The following LAMA2 variants were observed in gnomAD, a reference collection of about 807,000 sequenced individuals.
The protein encoded by LAMA2 is laminin subunit alpha 2, also known as laminin subunit alpha-2.
In LAMA2, 269 loss-of-function variants were observed where a neutral mutation model predicts 364.8. That is an observed-to-expected ratio of 0.74 (90% CI 0.67 to 0.82). The LOEUF (loss-of-function observed/expected upper bound fraction) is 0.82, where lower values mean the gene tolerates loss of function less well. LAMA2 is among the 40% of genes least tolerant of loss of function. The pLI is 0.00. For missense variants in LAMA2, 3,807 were observed against 3,873.2 expected (o/e 0.98, Z 0.45); for synonymous variants, 1,379 against 1,370.6 (o/e 1.01, Z -0.14).
At chr6:129,099,116 T>G (rs1014804897) in intron 4 of LAMA2, among the ~76,000 whole-genome samples, 1 of 67,136 alleles carries the variant, frequency 1.5e-5, no homozygotes, top group Admixed American at 2.0e-4. Context: ...GCGGGGAGGT[T>G]TTTTTTTTGT....
At chr6:128,946,498 T>A (rs1340271954) in intron 1 of LAMA2, among the ~76,000 whole-genome samples, 3 of 152,168 alleles carry the variant, frequency 2.0e-5, no homozygotes, top group Non-Finnish European at 4.4e-5. Flanking sequence ...AATATCAAAA[T>A]TCAAAATTTG....
chr6:129,304,270 G>C, intron 22 of LAMA2, among the ~76,000 whole-genome samples: 1 of 151,804 alleles, frequency 6.6e-6, no homozygotes, highest in African/African-American at 2.4e-5. Context: ...TTTGTTTTTT[G>C]TTTTTTGTTT....
chr6:129,004,493 T>G (rs1784318105), intron 1 of LAMA2, among the ~76,000 whole-genome samples: 1 of 151,706 alleles, frequency 6.6e-6, no homozygotes, highest in South Asian at 2.1e-4. Context: ...CTTACTGACT[T>G]GCACCTATAT....
At chr6:129,168,599 G>A (rs1395554996) in intron 9 of LAMA2, among the ~76,000 whole-genome samples, 1 of 148,004 alleles carries the variant, frequency 6.8e-6, no homozygotes, top group Non-Finnish European at 1.5e-5. Context: ...CAGGTAGTGT[G>A]ATGCCTCCAG....
At chr6:129,466,001 TG>T (rs1257570489) in intron 51 of LAMA2, among the ~76,000 whole-genome samples, 3 of 151,970 alleles carry the variant, frequency 2.0e-5, no homozygotes, top group African/African-American at 7.2e-5. Context: ...TATCTGCAAA[TG>T]AGACTTTGTT....
intron 12 of LAMA2, among the ~76,000 whole-genome samples, chr6:129,224,711 T>C (rs1784128619): frequency 6.6e-6 from 1 of 152,232 alleles, no homozygotes; most frequent in Non-Finnish European, 1.5e-5. Context: ...ATAAGCTTTT[T>C]GATGTGCTGC....
At chr6:129,398,757 A>G (rs1779802458) in intron 37 of LAMA2, among the ~76,000 whole-genome samples, 1 of 152,008 alleles carries the variant, frequency 6.6e-6, no homozygotes, top group Non-Finnish European at 1.5e-5. Context: ...AACAGGCATG[A>G]GCCACCGTGC....
Position 129,251,076 on chromosome 6 carries a change from CTATATATATA to C in LAMA2, c.1884+883_1884+892del, listed in dbSNP as rs71714357. On this transcript the variant is annotated intron_variant, in intron 13 of 64. Transcript: ENST00000421865. ...TCTCTCTCTCTCTCTCTCTCTCTCT[CTATATATATA>C]TATATATATATATATATATGGCAAC... is the stretch of plus-strand genomic sequence containing the variant. 2.8e-3 allele frequency among the ~76,000 whole-genome samples: 139 copies of C among 49,786 alleles called. 1 individual carries two copies. The highest frequency in any genetic ancestry group is 7.2e-3 in the African/African-American group (88 of 12,232). The allele number at this position is 49,786 out of a possible 152,430, so 32.7% of individuals were successfully genotyped here. A position where few individuals can be genotyped will look rare whatever the true frequency, so the allele number is the denominator to read the frequency against.
chr6:129,506,471 G>C (rs1023561715), intron 61 of LAMA2, among the ~76,000 whole-genome samples: 1 of 152,110 alleles, frequency 6.6e-6, no homozygotes, highest in African/African-American at 2.4e-5. Flanking sequence ...TTCAGGCATA[G>C]AGATTTAGCA....
At position 129,225,428 on chromosome 6, in the gene LAMA2, G is replaced by T. The variant is rs1784184485; in HGVS notation, c.1783-24684G>T. 2.0e-5 allele frequency among the ~76,000 whole-genome samples: 3 copies of T among 151,890 alleles called. No homozygotes were observed. In the South Asian group the frequency reaches 6.3e-4, roughly 32 times the overall value. ...CTAGTTCTTTTAATTGTGATGTTAG[G>T]GTGTCAATTTTGGATCTTTCCTGCT... On this transcript the variant is annotated intron_variant, in intron 12 of 64. Transcript: ENST00000421865.
chr6:129,313,201 A>G, intron 23 of LAMA2, 104 bp downstream of exon 23: 3 of 704,412 alleles, frequency 4.3e-6, no homozygotes, highest in East Asian at 2.5e-5. Context: ...TCATTAAGCT[A>G]AACAAACAGA....
intron 1 of LAMA2, among the ~76,000 whole-genome samples, chr6:129,047,638 C>T (rs1426556685): frequency 6.6e-6 from 1 of 152,094 alleles, no homozygotes; most frequent in African/African-American, 2.4e-5. Flanking sequence ...ATGACTGAGA[C>T]AAGAACTGAG....
chr6:129,338,628 A>T (rs111607151), intron 29 of LAMA2, among the ~76,000 whole-genome samples: 36 of 152,284 alleles, frequency 2.4e-4, no homozygotes, highest in African/African-American at 8.2e-4. Context: ...GACCAGTTTC[A>T]TCTATACTTC....
At chr6:129,314,197 G>C (rs944544035) in intron 23 of LAMA2, among the ~76,000 whole-genome samples, 2 of 151,978 alleles carry the variant, frequency 1.3e-5, no homozygotes, top group Non-Finnish European at 2.9e-5. Context: ...TCAGGAGATC[G>C]AGACAATCCT....
intron 38 of LAMA2, among the ~76,000 whole-genome samples, chr6:129,401,727 G>A (rs1325323098): frequency 1.3e-5 from 2 of 152,148 alleles, no homozygotes; most frequent in Admixed American, 6.5e-5. Context: ...GTGATATGTG[G>A]TCATAGAAAT....
At chr6:129,155,671 A>G (rs1377034951) in intron 8 of LAMA2, among the ~76,000 whole-genome samples, 2 of 152,142 alleles carry the variant, frequency 1.3e-5, no homozygotes, top group Non-Finnish European at 2.9e-5. Flanking sequence ...TGAAAAATCA[A>G]TTGATCATAT....
chr6:129,486,325 C>A, intron 55 of LAMA2, 149 bp from the exon 56 acceptor site: 2 of 748,096 alleles, frequency 2.7e-6, no homozygotes, highest in South Asian at 3.2e-5. Context: ...ATATTTCCAG[C>A]TGTTTTCAAA....
chr6:129,221,402 C>CAA (rs57184336), intron 12 of LAMA2, among the ~76,000 whole-genome samples: 2 of 116,456 alleles, frequency 1.7e-5, no homozygotes, highest in African/African-American at 5.8e-5. Context: ...CCTGATAGAC[C>CAA]AAAAAAAAAA....
At chr6:129,335,765 T>C (rs1419461729) in intron 29 of LAMA2, among the ~76,000 whole-genome samples, 1 of 152,166 alleles carries the variant, frequency 6.6e-6, no homozygotes, top group Non-Finnish European at 1.5e-5. Flanking sequence ...TTCTGGAAAT[T>C]AATGCTAAGA....
Sources: allele counts gnomAD v4.1 joint callset (sites outside exome capture counted in the v4.1 genomes callset), GRCh38; gene constraint gnomAD v4.1.1; transcripts MANE v1.5; gene names NCBI Gene and HGNC (gene_info 2026-07-23, HGNC 2026-07-21).